Variants in GALNT1 observed in about 807,000 individuals in gnomAD.
The protein encoded by GALNT1 is polypeptide N-acetylgalactosaminyltransferase 1.
A neutral mutation model predicts 65.7 loss-of-function variants in GALNT1; 17 were observed. The ratio of observed to expected loss-of-function variants is 0.26; its 90% confidence interval spans 0.18 to 0.39. GALNT1 has a LOEUF of 0.39. Ranked by LOEUF, GALNT1 falls within the 10% of genes least tolerant of loss-of-function variation. GALNT1 has a pLI of 1.00. For missense variants in GALNT1, 460 were observed against 672.8 expected (o/e 0.68, Z 3.50); for synonymous variants, 210 against 219.7 (o/e 0.96, Z 0.39).
At chr18:35,674,543 A>G (rs1487500462) in intron 3 of GALNT1, among the ~76,000 whole-genome samples, 1 of 152,222 alleles carries the variant, frequency 6.6e-6, no homozygotes, top group Admixed American at 6.5e-5. Flanking sequence ...TTCTACCTAC[A>G]GAGCTTAGGC....
chr18:35,671,405 A>G (rs1424417602), intron 3 of GALNT1, among the ~76,000 whole-genome samples: 1 of 152,088 alleles, frequency 6.6e-6, no homozygotes, highest in African/African-American at 2.4e-5. Flanking sequence ...TTTTGTAGAG[A>G]TGGGGGTCTC....
chr18:35,660,979 G>A (rs977117189), intron 2 of GALNT1, among the ~76,000 whole-genome samples: 1 of 152,106 alleles, frequency 6.6e-6, no homozygotes, highest in Non-Finnish European at 1.5e-5. Context: ...TAAATATCAG[G>A]TGATGAAATG....
intron 1 of GALNT1, among the ~76,000 whole-genome samples, chr18:35,633,356 G>A (rs12964332): frequency 0.23 from 35,442 of 151,932 alleles, 4,695 homozygotes; most frequent in African/African-American, 0.36. Context: ...ATGGAATACT[G>A]TGCAACCATA....
chr18:35,585,347 G>A (rs1389716730), intron 1 of GALNT1, among the ~76,000 whole-genome samples: 4 of 152,132 alleles, frequency 2.6e-5, no homozygotes, highest in African/African-American at 9.7e-5. Flanking sequence ...AGTGCTACCT[G>A]TTTTTCATAG....
At chr18:35,633,655 G>A (rs907335066) in intron 1 of GALNT1, among the ~76,000 whole-genome samples, 4 of 152,068 alleles carry the variant, frequency 2.6e-5, no homozygotes, top group Admixed American at 1.3e-4. Flanking sequence ...TAACAAACCT[G>A]CACATTGTGC....
intron 4 of GALNT1, among the ~76,000 whole-genome samples, 158 bp from the exon 5 acceptor site, chr18:35,683,233 T>G (rs2047813104): frequency 6.6e-6 from 1 of 152,184 alleles, no homozygotes; most frequent in African/African-American, 2.4e-5. Flanking sequence ...TTGGGGAATA[T>G]AAAGGCTTCC....
At position 35,689,303 on chromosome 18, in the gene GALNT1, A is replaced by G. The variant is rs3737382; in HGVS notation, c.978+13A>G. Reference sequence around the variant, plus strand: ...AATTTCCTTTAGGGTAAGTTCCCTTAAAAAAATTTAATCTTTTATTTAACT... The same window carrying G: ...AATTTCCTTTAGGGTAAGTTCCCTTGAAAAAATTTAATCTTTTATTTAACT... On this transcript the variant is annotated intron_variant, in intron 7 of 11. Coordinates refer to ENST00000269195, the MANE Select transcript of GALNT1 (RefSeq NM_020474.4). 1 of 1,420,800 alleles carries G rather than the reference A, an allele frequency of 7.0e-7. No homozygotes were observed. Among genetic ancestry groups the G allele is most frequent in the Middle Eastern group, 1.8e-4 (1 of 5,642 alleles). 88.0% of individuals were successfully genotyped at this position (1,420,800 alleles called of 1,614,324 possible).
At chr18:35,614,645 G>A (rs1008385879) in intron 1 of GALNT1, among the ~76,000 whole-genome samples, 3 of 152,082 alleles carry the variant, frequency 2.0e-5, no homozygotes, top group Non-Finnish European at 4.4e-5. Context: ...GAACAGAATG[G>A]TCATTCCTTA....
At chr18:35,656,830 G>GT (rs2047395006) in intron 2 of GALNT1, among the ~76,000 whole-genome samples, 1 of 152,218 alleles carries the variant, frequency 6.6e-6, no homozygotes, top group African/African-American at 2.4e-5. Context: ...TGAGACTGTT[G>GT]TGAGAGTTTG....
intron 1 of GALNT1, among the ~76,000 whole-genome samples, chr18:35,643,369 C>T (rs889200551): frequency 3.3e-5 from 5 of 152,140 alleles, no homozygotes; most frequent in African/African-American, 1.2e-4. Flanking sequence ...GCTCTCCTAC[C>T]ACTTTATAGT....
intron 2 of GALNT1, among the ~76,000 whole-genome samples, chr18:35,657,314 G>A (rs998421748): frequency 6.6e-6 from 1 of 152,070 alleles, no homozygotes; most frequent in Non-Finnish European, 1.5e-5. Context: ...GGTTGTTCTC[G>A]AACTCCTGAC....
At chr18:35,646,787 C>G (rs995766667) in intron 1 of GALNT1, among the ~76,000 whole-genome samples, 2 of 152,232 alleles carry the variant, frequency 1.3e-5, no homozygotes, top group Non-Finnish European at 2.9e-5. Flanking sequence ...TCAAGGGCTT[C>G]TGTCTGGATA....
intron 1 of GALNT1, among the ~76,000 whole-genome samples, chr18:35,602,344 G>A (rs4344825): frequency 0.098 from 14,965 of 152,032 alleles, 908 homozygotes; most frequent in African/African-American, 0.18. Context: ...TTGGGGTAGC[G>A]TTATTTGGGT....
intron 1 of GALNT1, among the ~76,000 whole-genome samples, chr18:35,621,599 T>C (rs2046853641): frequency 6.6e-6 from 1 of 152,214 alleles, no homozygotes; most frequent in Admixed American, 6.5e-5. Flanking sequence ...GCATATCTTA[T>C]GATGTCTTTG....
chr18:35,598,882 G>A (rs929411400), intron 1 of GALNT1, among the ~76,000 whole-genome samples: 2 of 151,746 alleles, frequency 1.3e-5, no homozygotes, highest in African/African-American at 4.8e-5. Context: ...CTGCATCCTT[G>A]CCAGCATCTG....
rs2047509741 is a variant in GALNT1, at chr18:35,663,861, G to A, written c.314+59G>A. The A allele has an allele frequency of 2.0e-6, 3 of 1,518,044 alleles. No homozygotes were observed. The Admixed American group carries it at 5.5e-5, about 28-fold the overall frequency. The allele number at this position is 1,518,044 out of a possible 1,614,324, so 94.0% of individuals were successfully genotyped here. On this transcript the variant is annotated intron_variant, in intron 3 of 11. Transcript: ENST00000269195. ...ATGAAAAGTATATTCTGAATTTTCA[G>A]TAAATTGCACTTGAGTGCTGATTGT...
intron 1 of GALNT1, among the ~76,000 whole-genome samples, chr18:35,631,401 C>T (rs1210330879): frequency 6.6e-6 from 1 of 152,142 alleles, no homozygotes; most frequent in Non-Finnish European, 1.5e-5. Context: ...GCTGGTTCAA[C>T]ATACGCAAAT....
chr18:35,628,572 A>G (rs2046954305), intron 1 of GALNT1, among the ~76,000 whole-genome samples: 1 of 152,188 alleles, frequency 6.6e-6, no homozygotes, highest in Non-Finnish European at 1.5e-5. Context: ...TCTGTACATC[A>G]CCATCATCAA....
At chr18:35,702,631 A>G (rs972987191) in intron 9 of GALNT1, among the ~76,000 whole-genome samples, 3 of 152,172 alleles carry the variant, frequency 2.0e-5, no homozygotes, top group African/African-American at 7.2e-5. Flanking sequence ...TGTTGAACTC[A>G]ATACAAATTT....
Sources: gnomAD v4.1 joint callset for allele counts (sites outside exome capture counted in the v4.1 genomes callset) on GRCh38, gnomAD v4.1.1 for gene constraint, MANE v1.5 for transcripts, NCBI Gene and HGNC (gene_info 2026-07-23, HGNC 2026-07-21) for gene names.